Variants in CDH18 observed in about 807,000 individuals in gnomAD.
CDH18 encodes the protein cadherin 18, also known as cadherin-18.
Under a neutral mutation model 67.9 loss-of-function variants are expected in CDH18, and 31 were observed. The ratio of observed to expected loss-of-function variants is 0.46; its 90% CI spans 0.34 to 0.62. CDH18 has a LOEUF of 0.62. CDH18 is among the 20% of genes least tolerant of loss of function. The pLI is 0.01. For synonymous variants in CDH18, 362 were observed against 347.2 expected, an observed-to-expected ratio of 1.04 and a Z score of -0.48; for missense variants, 890 against 975.5, an observed-to-expected ratio of 0.91 and a Z score of 1.17.
At chr5:19,755,427 G>GTGTATATATATATATATATATATATA (rs1554024291) in intron 3 of CDH18, among the ~76,000 whole-genome samples, 1 of 44,660 alleles carries the variant, frequency 2.2e-5, no homozygotes, top group African/African-American at 6.4e-5. Context: ...AACTAACAGG[G>GTGTATATATATATATATATATATATA]TATGTATATA....
chr5:20,387,101 T>A (rs1744372504), intron 1 of CDH18, among the ~76,000 whole-genome samples: 1 of 152,202 alleles, frequency 6.6e-6, no homozygotes, highest in African/African-American at 2.4e-5. Flanking sequence ...GTCTTATTTA[T>A]AGCTACTCAA....
chr5:20,045,521 C>T (rs981540102), intron 2 of CDH18, among the ~76,000 whole-genome samples: 1 of 151,738 alleles, frequency 6.6e-6, no homozygotes, highest in Non-Finnish European at 1.5e-5. Flanking sequence ...TATCTTTTCT[C>T]AAGATGTAGT....
intron 2 of CDH18, among the ~76,000 whole-genome samples, chr5:19,874,336 T>A (rs17223011): frequency 0.31 from 47,377 of 152,064 alleles, 8,158 homozygotes; most frequent in South Asian, 0.41. Flanking sequence ...CTTATTTAAG[T>A]TATCTGCCTG....
At chr5:19,969,360 C>T (rs1352720292) in intron 2 of CDH18, among the ~76,000 whole-genome samples, 1 of 148,068 alleles carries the variant, frequency 6.8e-6, no homozygotes, top group African/African-American at 2.6e-5. Context: ...ACCCAAAGGA[C>T]TATAAATCAT....
chr5:19,726,892 T>C (rs540448983), intron 4 of CDH18, among the ~76,000 whole-genome samples: 1 of 152,288 alleles, frequency 6.6e-6, no homozygotes, highest in Non-Finnish European at 1.5e-5. Flanking sequence ...ATTAAGAGAT[T>C]AGTAACTTTA....
At chr5:19,842,705 T>C (rs762910968) in intron 2 of CDH18, among the ~76,000 whole-genome samples, 2 of 151,972 alleles carry the variant, frequency 1.3e-5, no homozygotes, top group African/African-American at 4.8e-5. Context: ...CAGGAAGAAG[T>C]AGGAACAGTT....
intron 5 of CDH18, among the ~76,000 whole-genome samples, chr5:19,701,402 C>G (rs1763222808): frequency 6.6e-6 from 1 of 151,736 alleles, no homozygotes; most frequent in African/African-American, 2.4e-5. Flanking sequence ...TAGAAACAAA[C>G]AAAAAAATAT....
At chr5:20,107,980 T>C (rs1424266445) in intron 2 of CDH18, among the ~76,000 whole-genome samples, 1 of 147,784 alleles carries the variant, frequency 6.8e-6, no homozygotes. Context: ...TATGTCCCAA[T>C]CTCCTGCTTA....
chr5:20,213,084 C>T (rs1740480104), intron 2 of CDH18, among the ~76,000 whole-genome samples: 1 of 152,102 alleles, frequency 6.6e-6, no homozygotes, highest in Non-Finnish European at 1.5e-5. Flanking sequence ...GCTCATTAAG[C>T]TTAATCACTT....
intron 2 of CDH18, among the ~76,000 whole-genome samples, chr5:20,035,407 C>A (rs901423840): frequency 5.9e-5 from 9 of 152,006 alleles, no homozygotes; most frequent in Non-Finnish European, 1.3e-4. Context: ...CTATAAAGAA[C>A]TGCTTGAGAT....
intron 1 of CDH18, among the ~76,000 whole-genome samples, chr5:19,982,389 T>C (rs1437771917): frequency 6.6e-6 from 1 of 151,142 alleles, no homozygotes; most frequent in Non-Finnish European, 1.5e-5. Flanking sequence ...TCTAGAAAAC[T>C]CACATTTTTC....
At chr5:19,474,457 A>AT (rs1554020753) in intron 12 of CDH18, among the ~76,000 whole-genome samples, 1 of 152,014 alleles carries the variant, frequency 6.6e-6, no homozygotes, top group Non-Finnish European at 1.5e-5. Flanking sequence ...TGAGGTTGCA[A>AT]TTTTTTGTGT....
At chr5:19,700,166 A>G (rs959198498) in intron 5 of CDH18, among the ~76,000 whole-genome samples, 3 of 152,154 alleles carry the variant, frequency 2.0e-5, no homozygotes, top group African/African-American at 7.2e-5. Flanking sequence ...AGTGAATACA[A>G]TTCTGTACAA....
chr5:20,255,035 A>C (rs1051465075), intron 2 of CDH18, among the ~76,000 whole-genome samples: 3 of 152,188 alleles, frequency 2.0e-5, no homozygotes, highest in Non-Finnish European at 4.4e-5. Flanking sequence ...ACAACAAAAA[A>C]CAAATACCAC....
chr5:20,422,860 A>G lies in CDH18; in HGVS notation c.-580+152602T>C, dbSNP rs146012133. 4.4e-3 allele frequency among the ~76,000 whole-genome samples: 663 copies of G among 151,252 alleles called. 43 individuals are homozygous for G. Among genetic ancestry groups the G allele is most frequent in the African/African-American group, 0.016 (635 of 40,578 alleles). Reference sequence around the variant, plus strand: ...CTTATAAAGCTCATAATCAAGTTCAATTTATAGCAGAAGTCAGAAGGTTGG... The same window carrying G: ...CTTATAAAGCTCATAATCAAGTTCAGTTTATAGCAGAAGTCAGAAGGTTGG... On this transcript the variant is annotated intron_variant, in intron 1 of 14. Coordinates refer to the CDH18 transcript ENST00000507958.
chr5:20,460,198 T>C (rs1210135155), intron 1 of CDH18, among the ~76,000 whole-genome samples: 4 of 151,822 alleles, frequency 2.6e-5, no homozygotes, highest in Non-Finnish European at 5.9e-5. Flanking sequence ...ATCGAGACCA[T>C]CCTGGCCAAT....
intron 6 of CDH18, among the ~76,000 whole-genome samples, chr5:19,609,578 A>T (rs1369316681): frequency 6.6e-6 from 1 of 152,028 alleles, no homozygotes; most frequent in Non-Finnish European, 1.5e-5. Flanking sequence ...ATTTACTTCA[A>T]GATAAAGGGA....
intron 2 of CDH18, among the ~76,000 whole-genome samples, chr5:20,199,606 T>TGG (rs1312135254): frequency 6.6e-6 from 1 of 152,152 alleles, no homozygotes; most frequent in Admixed American, 6.5e-5. Context: ...GTTAAGACTT[T>TGG]GGGGGACTGT....
chr5:19,891,776 C>T (rs1788803419), intron 2 of CDH18, among the ~76,000 whole-genome samples: 1 of 152,158 alleles, frequency 6.6e-6, no homozygotes, highest in Admixed American at 6.6e-5. Flanking sequence ...CTGGGCAGAT[C>T]CCATCTCCCT....
Sources: gnomAD v4.1 joint callset for allele counts (sites outside exome capture counted in the v4.1 genomes callset) on GRCh38, gnomAD v4.1.1 for gene constraint, MANE v1.5 for transcripts, NCBI Gene and HGNC (gene_info 2026-07-23, HGNC 2026-07-21) for gene names.